ERAP1: variants seen among roughly 807,000 people sequenced by gnomAD.
The protein encoded by ERAP1 is adipocyte-derived leucine aminopeptidase.
Under a neutral mutation model 103.7 loss-of-function variants are expected in ERAP1, and 86 were observed. That is an observed-to-expected ratio of 0.83 (90% CI 0.70 to 0.99). ERAP1 has a LOEUF of 0.99. Ranked by LOEUF, ERAP1 falls within the 50% of genes least tolerant of loss-of-function variation. The pLI is 0.00. For missense variants in ERAP1, 1,009 were observed against 1,128.4 expected, an observed-to-expected ratio of 0.89 and a Z score of 1.52; for synonymous variants, 398 against 402.4, an observed-to-expected ratio of 0.99 and a Z score of 0.13.
chr5:96,877,270 C>T, the ERAP1 span, among the ~76,000 whole-genome samples: 1 of 152,026 alleles, frequency 6.6e-6, no homozygotes, highest in African/African-American at 2.4e-5. Context: ...TCACTGTGCC[C>T]GGTCCTGTTT....
At chr5:96,790,489 G>C in intron 9 of ERAP1, 23 bp downstream of exon 9, 1 of 1,613,540 alleles carries the variant, frequency 6.2e-7, no homozygotes, top group Non-Finnish European at 8.5e-7. Flanking sequence ...CCCAAATGCA[G>C]AGATATTCAA....
At chr5:96,834,001 G>A in the ERAP1 span, among the ~76,000 whole-genome samples, 1 of 152,164 alleles carries the variant, frequency 6.6e-6, no homozygotes, top group Non-Finnish European at 1.5e-5. Flanking sequence ...GCCAGTTGAA[G>A]TAAAGTTGCT....
chr5:96,770,493 G>A (rs375019449), downstream of ERAP1: 37 of 1,364,676 alleles, frequency 2.7e-5, no homozygotes, highest in African/African-American at 4.1e-4. Flanking sequence ...AGATGGATTG[G>A]TGATAGCCAT....
the ERAP1 span, among the ~76,000 whole-genome samples, chr5:96,819,895 T>C: frequency 6.6e-6 from 1 of 152,218 alleles, no homozygotes; most frequent in African/African-American, 2.4e-5. Flanking sequence ...ATATTTACAA[T>C]TTTGACTATT....
At chr5:96,810,359 G>T (rs184083612), upstream of ERAP1, among the ~76,000 whole-genome samples, 5 of 152,298 alleles carry the variant, frequency 3.3e-5, no homozygotes, top group East Asian at 9.6e-4. Context: ...GGGTACCTAG[G>T]TTTATTGATT....
At chr5:96,889,413 G>A in the ERAP1 span, 1 of 1,244,386 alleles carries the variant, frequency 8.0e-7, no homozygotes, top group Non-Finnish European at 1.2e-6. Context: ...GAGGAATTCA[G>A]TTAGCTCAGG....
chr5:96,840,326 C>A, the ERAP1 span, among the ~76,000 whole-genome samples: 1 of 152,208 alleles, frequency 6.6e-6, no homozygotes. Context: ...ATCTTTCTCA[C>A]TCCCCAGGGA....
chr5:96,906,260 C>T, the ERAP1 span, among the ~76,000 whole-genome samples: 2 of 151,368 alleles, frequency 1.3e-5, no homozygotes, highest in Admixed American at 1.3e-4. Context: ...CTACTTCTTC[C>T]TCTTCTTCTT....
At chr5:96,916,406 G>A in the ERAP1 span, among the ~76,000 whole-genome samples, 1 of 151,180 alleles carries the variant, frequency 6.6e-6, no homozygotes, top group Admixed American at 6.6e-5. Flanking sequence ...AAGTTTGGAA[G>A]CGTACTTAAT....
chr5:96,927,865 T>C, the ERAP1 span, among the ~76,000 whole-genome samples: 3 of 152,196 alleles, frequency 2.0e-5, no homozygotes, highest in Non-Finnish European at 2.9e-5. Context: ...CCTTGGTTTG[T>C]AAGTATTTTC....
At chr5:96,814,038 C>A in the ERAP1 span, 1 of 287,718 alleles carries the variant, frequency 3.5e-6, no homozygotes. Flanking sequence ...CAACTTAAAA[C>A]AACACATTTA....
At chr5:96,765,315 A>G (rs757043233) in intron 19 of ERAP1, 2 of 1,300,416 alleles carry the variant, frequency 1.5e-6, no homozygotes, top group Admixed American at 4.0e-5. Context: ...CCAATGGAAG[A>G]TAAAGTAAAG....
chr5:96,914,756 A>C, the ERAP1 span, among the ~76,000 whole-genome samples: 2 of 152,198 alleles, frequency 1.3e-5, no homozygotes, highest in Non-Finnish European at 2.9e-5. Context: ...CGTGAATGAG[A>C]GTTCAACCAA....
At chr5:96,816,383 A>G in the ERAP1 span, among the ~76,000 whole-genome samples, 1 of 152,222 alleles carries the variant, frequency 6.6e-6, no homozygotes, top group African/African-American at 2.4e-5. Flanking sequence ...GAGAAGGGAC[A>G]GAAAGGAACA....
rs544733995 is a variant in ERAP1 at position 96,776,410 on chromosome 5, G to A, written c.2812C>T (p.Leu938Phe). The A allele has an allele frequency of 1.1e-4, 171 of 1,612,418 alleles. 2 individuals are homozygous for A. The South Asian group carries it at 1.8e-3, about 17-fold the overall frequency. Residue 938 changes from leucine to phenylalanine, a missense_variant, in exon 19 of 19, where the codon CTT becomes TTT. Physicochemically the swap from Leu to Phe is conservative, Grantham distance 22. Coordinates refer to ENST00000443439, the MANE Select transcript of ERAP1 (RefSeq NM_001040458.3). ...GGGAGGAATTTTTACATACGTTCAA[G>A]CTTTTCACTTTGCAGCCACACTCTG... Reference protein sequence around the residue: ...KIRVWLQSEKLERM With the variant: ...KIRVWLQSEKFERM
chr5:96,784,490 TAAATAAAC>T (rs1037110074), intron 13 of ERAP1, among the ~76,000 whole-genome samples: 15 of 75,244 alleles, frequency 2.0e-4, no homozygotes, highest in South Asian at 4.7e-4. Flanking sequence ...CTCCAAAAAA[TAAATAAAC>T]AAACAGATAG....
At chr5:96,891,563 C>T in the ERAP1 span, among the ~76,000 whole-genome samples, 61,548 of 139,522 alleles carry the variant, frequency 0.44, 13,909 homozygotes, top group East Asian at 0.56. Flanking sequence ...CACACACACA[C>T]ATATATGGTA....
intron 1 of ERAP1, among the ~76,000 whole-genome samples, chr5:96,806,682 T>A (rs1010574385): frequency 1.6e-4 from 24 of 145,790 alleles, no homozygotes; most frequent in African/African-American, 5.9e-4. Flanking sequence ...CAGGCTGGAG[T>A]GCAGTGGTGC....
the ERAP1 span, among the ~76,000 whole-genome samples, chr5:96,837,353 A>G: frequency 2.0e-5 from 3 of 152,232 alleles, no homozygotes; most frequent in Non-Finnish European, 4.4e-5. Context: ...ACAACAGCAA[A>G]CAAACCTACA....
Sources: gnomAD v4.1 joint callset for allele counts (sites outside exome capture counted in the v4.1 genomes callset) on GRCh38, gnomAD v4.1.1 for gene constraint, MANE v1.5 for transcripts, NCBI Gene and HGNC (gene_info 2026-07-23, HGNC 2026-07-21) for gene names.